COL23A1: variants seen among roughly 807,000 people sequenced by gnomAD.
The protein encoded by COL23A1 is collagen type XXIII alpha 1 chain.
A neutral mutation model predicts 99.3 loss-of-function variants in COL23A1; 97 were observed. That is an observed-to-expected ratio of 0.98 (90% CI 0.83 to 1.16). The LOEUF is 1.16. Ranked by LOEUF, COL23A1 falls within the 50% of genes most tolerant of loss-of-function variation. COL23A1 has a pLI of 0.00. For missense variants in COL23A1, 762 were observed against 757.4 expected (o/e 1.01, Z -0.07); for synonymous variants, 320 against 308.2 (o/e 1.04, Z -0.40).
rs1242952615 is a variant in COL23A1, at chr5:178,372,895, CTTTCT to C, written c.362-65981_362-65977del. On this transcript the variant is annotated intron_variant, in intron 2 of 28. Transcript: ENST00000390654. ...CCAGCCCCCAGCTTCAGAGATTTCT[CTTTCT>C]TTTCTTTTTCTTTCTTTCTCTTTTT... 2.3e-3 allele frequency among the ~76,000 whole-genome samples: 341 copies of C among 146,732 alleles called. 1 individual carries two copies. Among genetic ancestry groups the C allele is most frequent in the African/African-American group, 8.4e-3 (324 of 38,800 alleles).
At chr5:178,422,723 G>A (rs530428807) in intron 2 of COL23A1, among the ~76,000 whole-genome samples, 13 of 152,230 alleles carry the variant, frequency 8.5e-5, no homozygotes, top group South Asian at 4.2e-4. Context: ...ACGTAACGCC[G>A]GGGACTGTCA....
rs770879687 is a variant in COL23A1, at chr5:178,257,570, G to T, written c.730-3C>A. The T allele has an allele frequency of 6.4e-7, 1 of 1,556,952 alleles. No homozygotes were observed. Among genetic ancestry groups the T allele is most frequent in the South Asian group, 1.2e-5 (1 of 84,360 alleles). On this transcript the variant is annotated splice_region_variant and splice_polypyrimidine_tract_variant and intron_variant, in intron 12 of 28. Transcript: ENST00000390654. ...TGGCTTGGTGTCCCATCGTCGCCCTGAGGAGAGGACACCTGGGGCTTGCCG... is the reference window on the plus strand; with the variant it reads ...TGGCTTGGTGTCCCATCGTCGCCCTTAGGAGAGGACACCTGGGGCTTGCCG...
chr5:178,396,850 C>T (rs2127758548), intron 2 of COL23A1, among the ~76,000 whole-genome samples: 1 of 151,996 alleles, frequency 6.6e-6, no homozygotes, highest in East Asian at 1.9e-4. Context: ...AGAGTCTCTC[C>T]CCGGCGGGCA....
At chr5:178,580,282 C>G (rs944670473) in intron 1 of COL23A1, among the ~76,000 whole-genome samples, 7 of 151,238 alleles carry the variant, frequency 4.6e-5, no homozygotes, top group African/African-American at 7.3e-5. Flanking sequence ...GAGCCGAGAT[C>G]GTGCCATTGC....
intron 2 of COL23A1, among the ~76,000 whole-genome samples, chr5:178,331,786 G>T (rs1426892967): frequency 2.0e-5 from 3 of 152,236 alleles, no homozygotes; most frequent in Non-Finnish European, 4.4e-5. Context: ...GCTGGCACAG[G>T]CTTCCTCTGA....
chr5:178,360,203 G>C (rs938332216), intron 2 of COL23A1, among the ~76,000 whole-genome samples: 1 of 152,090 alleles, frequency 6.6e-6, no homozygotes, highest in African/African-American at 2.4e-5. Context: ...GAGATTTCTC[G>C]GTTGGCCCCA....
chr5:178,298,196 T>C (rs948558135), intron 3 of COL23A1, among the ~76,000 whole-genome samples: 4 of 152,172 alleles, frequency 2.6e-5, no homozygotes, highest in African/African-American at 9.7e-5. Context: ...AGTAGAGGGT[T>C]TGATGATTCT....
intron 2 of COL23A1, among the ~76,000 whole-genome samples, chr5:178,337,092 G>A (rs56082230): frequency 0.059 from 8,946 of 152,294 alleles, 342 homozygotes; most frequent in Middle Eastern, 0.11. Flanking sequence ...CATGGGAGGG[G>A]GGCCTGCGGA....
chr5:178,577,444 T>C (rs1474899273), intron 1 of COL23A1, among the ~76,000 whole-genome samples: 2 of 152,206 alleles, frequency 1.3e-5, no homozygotes, highest in Non-Finnish European at 2.9e-5. Flanking sequence ...AGGCACACGA[T>C]TCAGCCCATG....
At chr5:178,333,171 T>A (rs1236342103) in intron 2 of COL23A1, among the ~76,000 whole-genome samples, 8 of 152,284 alleles carry the variant, frequency 5.3e-5, no homozygotes. Context: ...TTGGCCAGGC[T>A]GGGCTTGAAC....
At chr5:178,296,500 G>A (rs1757750116) in intron 3 of COL23A1, among the ~76,000 whole-genome samples, 1 of 152,190 alleles carries the variant, frequency 6.6e-6, no homozygotes, top group African/African-American at 2.4e-5. Flanking sequence ...ATCCCACGCA[G>A]GGGCTGCTGG....
intron 2 of COL23A1, chr5:178,378,201 C>T (rs1347797991): frequency 1.3e-5 from 2 of 152,194 alleles, no homozygotes; most frequent in African/African-American, 4.8e-5. Flanking sequence ...GCCTGGACAA[C>T]ATAGTGAGAC....
intron 2 of COL23A1, among the ~76,000 whole-genome samples, chr5:178,513,438 T>G (rs2127996658): frequency 6.6e-6 from 1 of 152,312 alleles, no homozygotes; most frequent in East Asian, 1.9e-4. Flanking sequence ...TTTTAGTGGC[T>G]TAAAACAACA....
At chr5:178,292,224 C>G (rs1031973333) in intron 3 of COL23A1, among the ~76,000 whole-genome samples, 1 of 93,126 alleles carries the variant, frequency 1.1e-5, no homozygotes, top group Non-Finnish European at 2.9e-5. Flanking sequence ...TGCGCCTGTG[C>G]CCGCACCTGC....
chr5:178,259,678 T>G (rs1765520908), intron 12 of COL23A1, 43 bp downstream of exon 12: 1 of 1,260,748 alleles, frequency 7.9e-7, no homozygotes, highest in African/African-American at 1.5e-5. Context: ...CTCCAGCCAC[T>G]TCCCAACACT....
intron 2 of COL23A1, among the ~76,000 whole-genome samples, chr5:178,418,469 T>C (rs1343557214): frequency 6.6e-6 from 1 of 152,232 alleles, no homozygotes; most frequent in Non-Finnish European, 1.5e-5. Context: ...CCAGCCCCTG[T>C]GCACCTATCT....
At chr5:178,249,342 TG>T in intron 18 of COL23A1, 136 bp from the exon 19 acceptor site, 1 of 833,546 alleles carries the variant, frequency 1.2e-6, no homozygotes, top group Non-Finnish European at 2.0e-6. Context: ...CCACAGTGGC[TG>T]GGAGCCTCAC....
In COL23A1 at chr5:178,419,381, T is replaced by C. The variant is rs114764905; in HGVS notation, c.362-112462A>G. On this transcript the variant is annotated intron_variant, in intron 2 of 28. Transcript: ENST00000390654. Reference sequence around the variant, plus strand: ...GGCGAGCCTCCACCCTTCTCTCCCATGCAAAGCTGAGGTCACCGGTAACGA... The same window carrying C: ...GGCGAGCCTCCACCCTTCTCTCCCACGCAAAGCTGAGGTCACCGGTAACGA... Among the ~76,000 whole-genome samples the C allele has an allele frequency of 6.2e-4, 95 of 152,318 alleles. 2 individuals carry two copies. Among genetic ancestry groups the C allele is most frequent in the African/African-American group, 2.1e-3 (89 of 41,566 alleles).
intron 2 of COL23A1, among the ~76,000 whole-genome samples, chr5:178,368,213 T>C (rs563301591): frequency 1.3e-5 from 2 of 152,278 alleles, no homozygotes; most frequent in South Asian, 4.1e-4. Flanking sequence ...TCCTCATGGC[T>C]AGGACATGGG....
Sources: allele counts gnomAD v4.1 joint callset (sites outside exome capture counted in the v4.1 genomes callset), GRCh38; gene constraint gnomAD v4.1.1; transcripts MANE v1.5; gene names NCBI Gene and HGNC (gene_info 2026-07-23, HGNC 2026-07-21).